The following HTRA1 variants were observed in gnomAD, a reference collection of about 807,000 sequenced individuals.
The protein encoded by HTRA1 is HtrA serine peptidase 1.
HTRA1 carries 26 observed loss-of-function variants against 49.7 expected under a neutral mutation model. The ratio of observed to expected loss-of-function variants is 0.52; its 90% CI spans 0.38 to 0.73. HTRA1 has a LOEUF of 0.73. HTRA1 is among the 30% of genes least tolerant of loss of function. The probability of loss-of-function intolerance (pLI) is 0.00; values close to 1 mark genes in which losing one functional copy is unlikely to be tolerated. For missense variants in HTRA1, 561 were observed against 667.2 expected (o/e 0.84, Z 1.75); for synonymous variants, 291 against 286.9 (o/e 1.01, Z -0.14).
rs1435982659 is a variant in HTRA1, at chr10:122,488,939, C to T, written c.510C>T (p.Asn170=). The change falls in exon 2 of 9, where the codon AAC becomes AAT. Residue 170 remains asparagine (N), a synonymous_variant. Coordinates refer to ENST00000368984, the MANE Select transcript of HTRA1 (RefSeq NM_002775.5). ...CCAACAGTTTGCGCCATAAATATAACTTTATCGCGGACGTGGTGGAGAAGA... is the reference window on the plus strand; with the variant it reads ...CCAACAGTTTGCGCCATAAATATAATTTTATCGCGGACGTGGTGGAGAAGA... The part of the protein sequence containing the change: ...EDPNSLRHKY[N]FIADVVEKIA... The T allele has an allele frequency of 6.2e-7, 1 of 1,614,038 alleles. No individual in the cohort carries two copies. The highest frequency in any genetic ancestry group is 8.5e-7 in the Non-Finnish European group (1 of 1,180,002).
At chr10:122,478,392 AT>A (rs34977432) in intron 1 of HTRA1, among the ~76,000 whole-genome samples, 9 of 119,082 alleles carry the variant, frequency 7.6e-5, no homozygotes, top group African/African-American at 1.3e-4. Flanking sequence ...AGTTTGACAG[AT>A]TTTTTTTTTT....
At chr10:122,499,546 G>A (rs2736923) in intron 3 of HTRA1, among the ~76,000 whole-genome samples, 125,411 of 152,046 alleles carry the variant, frequency 0.82, 52,193 homozygotes, top group Non-Finnish European at 0.89. Flanking sequence ...TCCACAGTCC[G>A]CTGACCCGCC....
chr10:122,508,627 C>T, intron 5 of HTRA1, 29 bp from the exon 6 acceptor site: 1 of 1,384,642 alleles, frequency 7.2e-7, no homozygotes, highest in South Asian at 1.2e-5. Context: ...CTTCACGATT[C>T]AGTAAGCCGT....
rs907597851 is a variant in HTRA1 at position 122,462,122 on chromosome 10, A to G, written c.470A>G (p.Gln157Arg). Residue 157 changes from glutamine (Q) to arginine (R), a missense_variant and splice_region_variant, in exon 1 of 9, where the codon CAA (glutamine) becomes CGA (arginine). This residue lies in a region of HTRA1 where 271 missense variants were observed against 410.0 expected (regional missense o/e 0.66). Transcript: ENST00000368984. Reference sequence around the variant, plus strand: ...GTCCTGCAGCGCGGAGCCTGCGGCCAAGGTACTCCGCCGCGCTCCTGGGCA... The same window carrying G: ...GTCCTGCAGCGCGGAGCCTGCGGCCGAGGTACTCCGCCGCGCTCCTGGGCA... ...VIVLQRGACG[Q>R]GQEDPNSLRH... 2.0e-6 allele frequency: 3 copies of G among 1,532,298 alleles called. No homozygotes were observed. Among genetic ancestry groups the G allele is most frequent in the Middle Eastern group, 1.8e-4 (1 of 5,510 alleles). The allele number at this position is 1,532,298 out of a possible 1,614,324, so 94.9% of individuals were successfully genotyped here.
intron 1 of HTRA1, among the ~76,000 whole-genome samples, chr10:122,468,182 G>A (rs1168181675): frequency 3.3e-5 from 5 of 152,152 alleles, no homozygotes; most frequent in African/African-American, 1.2e-4. Context: ...CTTAAGGGCT[G>A]GGCTTCTGAA....
chr10:122,496,359 A>C (rs2097498774), intron 3 of HTRA1, among the ~76,000 whole-genome samples: 1 of 150,738 alleles, frequency 6.6e-6, no homozygotes, highest in South Asian at 2.1e-4. Context: ...CAGAATTCCA[A>C]GCTATTTGGC....
At chr10:122,508,323 C>A (rs944568528) in intron 5 of HTRA1, among the ~76,000 whole-genome samples, 2 of 152,192 alleles carry the variant, frequency 1.3e-5, no homozygotes, top group African/African-American at 4.8e-5. Flanking sequence ...AAGGTGTGGG[C>A]AGCCACCTAA....
At chr10:122,495,940 A>T (rs1214689731) in intron 3 of HTRA1, among the ~76,000 whole-genome samples, 1 of 152,162 alleles carries the variant, frequency 6.6e-6, no homozygotes, top group African/African-American at 2.4e-5. Flanking sequence ...ATGCTCACTT[A>T]TTTAGGTAGA....
intron 3 of HTRA1, among the ~76,000 whole-genome samples, chr10:122,505,803 G>T (rs2097502788): frequency 6.6e-6 from 1 of 152,204 alleles, no homozygotes; most frequent in Non-Finnish European, 1.5e-5. Context: ...AACTCGGGAG[G>T]TCTGCTCGGC....
chr10:122,504,717 G>A (rs1031626986), intron 3 of HTRA1, among the ~76,000 whole-genome samples: 6 of 152,354 alleles, frequency 3.9e-5, no homozygotes, highest in East Asian at 3.9e-4. Context: ...CCGCCTGCAC[G>A]CCATGAGTGC....
intron 1 of HTRA1, among the ~76,000 whole-genome samples, chr10:122,467,840 T>C (rs1001183514): frequency 2.0e-5 from 3 of 152,002 alleles, no homozygotes; most frequent in African/African-American, 7.3e-5. Context: ...CCATTCTGAA[T>C]GTGTTTCCAA....
Position 122,494,376 on chromosome 10 carries a change from C to T in HTRA1, c.777+4750C>T, listed in dbSNP as rs144733294. On this transcript the variant is annotated intron_variant, in intron 3 of 8. Transcript: ENST00000368984. The surrounding 1 kb of genome is among the most constrained non-coding windows in gnomAD (Gnocchi z 4.0). ...AGGCACCCGGGGCTCCTGCATCGAGCTTCCCTCCTATATTCAATGAGGAAA... is the reference window on the plus strand; with the variant it reads ...AGGCACCCGGGGCTCCTGCATCGAGTTTCCCTCCTATATTCAATGAGGAAA... 1.4e-4 allele frequency among the ~76,000 whole-genome samples: 21 copies of T among 152,290 alleles called. No homozygotes were observed. The highest frequency in any genetic ancestry group is 7.8e-4 in the Admixed American group (12 of 15,304).
chr10:122,475,195 G>T (rs1014084686), intron 1 of HTRA1, among the ~76,000 whole-genome samples: 4 of 152,222 alleles, frequency 2.6e-5, no homozygotes, highest in African/African-American at 9.6e-5. Flanking sequence ...ATCTGCTGCA[G>T]TCTTGGCCCA....
Position 122,489,512 on chromosome 10 carries a change from G to C in HTRA1, c.663G>C (p.Val221=). The C allele has an allele frequency of 6.2e-7, 1 of 1,614,166 alleles. No homozygotes were observed. Among genetic ancestry groups the C allele is most frequent in the Non-Finnish European group, 8.5e-7 (1 of 1,180,032 alleles). ...GACTGATCGTGACAAATGCCCACGT[G>C]GTGACCAACAAGCACCGGGTCAAAG... is the stretch of plus-strand genomic sequence containing the variant. The part of the protein sequence containing the change: ...EDGLIVTNAH[V]VTNKHRVKVE... The change falls in exon 3 of 9, where the codon GTG becomes GTC. Residue 221 remains valine, a synonymous_variant. Transcript: ENST00000368984.
At chr10:122,496,862 T>C (rs2097498946) in intron 3 of HTRA1, among the ~76,000 whole-genome samples, 3 of 152,214 alleles carry the variant, frequency 2.0e-5, no homozygotes, top group Admixed American at 2.0e-4. Context: ...AACAAGTTTC[T>C]GGTTAGCTAG....
In HTRA1 at chr10:122,506,849, A is replaced by G. The variant is rs766476386; in HGVS notation, c.936A>G (p.Ser312=). The G allele has an allele frequency of 6.2e-7, 1 of 1,613,756 alleles. No homozygotes were observed. Among genetic ancestry groups the G allele is most frequent in the Non-Finnish European group, 8.5e-7 (1 of 1,180,022 alleles). ...GCAAAGAGCTGGGGCTCCGCAACTC[A>G]GACATGGACTACATCCAGACCGACG... The part of the protein sequence containing the change: ...RGGKELGLRN[S]DMDYIQTDAI... The change falls in exon 4 of 9, where the codon TCA becomes TCG. Residue 312 remains serine (S), a synonymous_variant. Coordinates refer to ENST00000368984, the MANE Select transcript of HTRA1 (RefSeq NM_002775.5). The surrounding 1 kb of genome is among the most constrained non-coding windows in gnomAD (Gnocchi z 5.2).
Position 122,504,488 on chromosome 10 carries a change from G to A in HTRA1, c.778-2203G>A, listed in dbSNP as rs185987923. ...GACGCCTGCTGGGCCCCCTTCCTGA[G>A]TTGAGTTTGACCTCCTGCCTCCTGT... On this transcript the variant is annotated intron_variant, in intron 3 of 8. Transcript: ENST00000368984. 2.3e-3 allele frequency among the ~76,000 whole-genome samples: 346 copies of A among 152,294 alleles called. 5 individuals carry two copies. The highest frequency in any genetic ancestry group is 0.013 in the South Asian group (64 of 4,822).
intron 3 of HTRA1, among the ~76,000 whole-genome samples, chr10:122,491,979 C>G (rs1190063575): frequency 6.6e-6 from 1 of 152,046 alleles, no homozygotes; most frequent in East Asian, 1.9e-4. Context: ...CTCTTTTGTT[C>G]CCTTGTTTTG....
intron 1 of HTRA1, among the ~76,000 whole-genome samples, chr10:122,467,105 G>A (rs1249476617): frequency 6.6e-6 from 1 of 152,198 alleles, no homozygotes; most frequent in African/African-American, 2.4e-5. Flanking sequence ...CTTTGGGGCT[G>A]GATTCTCCGT....
Sources: gnomAD v4.1 joint callset for allele counts (sites outside exome capture counted in the v4.1 genomes callset) on GRCh38, gnomAD v4.1.1 for gene constraint, gnomAD v4.1.1 regional missense constraint, Gnocchi (gnomAD v3.1) non-coding constraint, MANE v1.5 for transcripts, NCBI Gene and HGNC (gene_info 2026-07-23, HGNC 2026-07-21) for gene names.